LIPI: variants seen among roughly 807,000 people sequenced by gnomAD.
LIPI encodes lipase member I.
LIPI carries 59 observed loss-of-function variants against 50.6 expected under a neutral mutation model. The ratio of observed to expected loss-of-function variants is 1.16; its 90% CI spans 0.94 to 1.45. The LOEUF is 1.45. Ranked by LOEUF, LIPI falls within the 40% of genes most tolerant of loss-of-function variation. The pLI, the probability that LIPI is intolerant of heterozygous loss-of-function variation, is 0.00. For synonymous variants in LIPI, 203 were observed against 178.2 expected (o/e 1.14, Z -1.11); for missense variants, 586 against 536.3 (o/e 1.09, Z -0.92).
chr21:14,203,934 C>T (rs970582651), intron 1 of LIPI, among the ~76,000 whole-genome samples: 3 of 152,018 alleles, frequency 2.0e-5, no homozygotes, highest in African/African-American at 7.2e-5. Flanking sequence ...ATAGCCTTCA[C>T]AGGGACACGA....
chr21:14,126,841 T>G lies in LIPI; in HGVS notation c.1296-17761A>C, dbSNP rs1176768369. 2.6e-5 allele frequency among the ~76,000 whole-genome samples: 4 copies of G among 152,310 alleles called. No homozygotes were observed. In the South Asian group the frequency reaches 6.2e-4, roughly 24 times the overall value. On this transcript the variant is annotated intron_variant, in intron 9 of 9. Transcript: ENST00000681601. ...GAGAAGTCAAACTTGGGCACAGTGGTTGCCAGCAGGTGGACTTGAAACCCA... is the reference window on the plus strand; with the variant it reads ...GAGAAGTCAAACTTGGGCACAGTGGGTGCCAGCAGGTGGACTTGAAACCCA...
At chr21:14,109,123 G>C in intron 9 of LIPI, 43 bp from the exon 10 acceptor site, 1 of 1,481,156 alleles carries the variant, frequency 6.8e-7, no homozygotes, top group African/African-American at 1.4e-5. Flanking sequence ...ATAACTATTA[G>C]TAAAACAACA....
chr21:14,207,402 T>C (rs572683264), intron 1 of LIPI, among the ~76,000 whole-genome samples: 3 of 152,306 alleles, frequency 2.0e-5, no homozygotes, highest in African/African-American at 4.8e-5. Flanking sequence ...AAAATATTAC[T>C]ATGTACTCTA....
At chr21:14,138,436 A>C (rs369723315) in intron 9 of LIPI, among the ~76,000 whole-genome samples, 3 of 152,184 alleles carry the variant, frequency 2.0e-5, no homozygotes, top group East Asian at 3.9e-4. Flanking sequence ...GAAATGATTG[A>C]ACTAAATCCA....
rs2123283373 is a variant in LIPI, at chr21:14,189,500, T to C, written c.47-81A>G. 6.2e-6 allele frequency: 8 copies of C among 1,294,542 alleles called. No homozygotes were observed. The East Asian group carries it at 1.4e-4, about 22-fold the overall frequency. The allele number at this position is 1,294,542 out of a possible 1,614,324, so 80.2% of individuals were successfully genotyped here. On this transcript the variant is annotated intron_variant, in intron 1 of 9. Transcript: ENST00000681601. ...TGCTATTGCAAAGAACAGAATTAAA[T>C]GTGGAGGGTAGGGAGGATTTCATTT... is the stretch of plus-strand genomic sequence containing the variant.
At chr21:14,111,561 A>G (rs192064405) in intron 9 of LIPI, among the ~76,000 whole-genome samples, 11 of 152,008 alleles carry the variant, frequency 7.2e-5, no homozygotes, top group Admixed American at 5.9e-4. Flanking sequence ...TCTGTTAATT[A>G]TTTCCTTTGA....
chr21:14,162,627 T>C (rs964615798), intron 7 of LIPI, among the ~76,000 whole-genome samples: 7 of 151,852 alleles, frequency 4.6e-5, no homozygotes, highest in Admixed American at 6.6e-5. Flanking sequence ...ATTAACTCAA[T>C]AAAATTTTTA....
intron 1 of LIPI, among the ~76,000 whole-genome samples, chr21:14,196,522 A>G (rs2123313174): frequency 1.3e-5 from 2 of 152,202 alleles, no homozygotes; most frequent in African/African-American, 4.8e-5. Context: ...AGTATGGTGC[A>G]CCTATTTTTT....
At chr21:14,144,589 A>G (rs1399981737) in intron 9 of LIPI, 34 bp downstream of exon 9, 11 of 1,183,530 alleles carry the variant, frequency 9.3e-6, no homozygotes, top group Admixed American at 1.8e-5. Flanking sequence ...AGTTTAAAAG[A>G]TAACATGTTG....
At chr21:14,121,799 C>G (rs1388050185) in intron 9 of LIPI, among the ~76,000 whole-genome samples, 4 of 152,148 alleles carry the variant, frequency 2.6e-5, no homozygotes, top group African/African-American at 7.2e-5. Flanking sequence ...CCAGATCATC[C>G]AACTCGACTG....
intron 9 of LIPI, among the ~76,000 whole-genome samples, chr21:14,135,933 G>A (rs1048712653): frequency 6.6e-5 from 10 of 152,154 alleles, no homozygotes; most frequent in African/African-American, 2.4e-4. Flanking sequence ...AGAGGTAAAG[G>A]TGGGGAGGAC....
rs1039807317 is a variant in LIPI at position 14,189,266 on chromosome 21, T to C, written c.200A>G (p.Asn67Ser). 1 of 1,613,930 alleles carries C rather than the reference T, an allele frequency of 6.2e-7. No individual in the cohort carries two copies. The highest frequency in any genetic ancestry group is 1.1e-5 in the South Asian group (1 of 91,080). The change falls in exon 2 of 10, where the codon AAT (asparagine) becomes AGT (serine). Residue 67 changes from asparagine to serine, a missense_variant. Physicochemically the swap from Asn to Ser is conservative, Grantham distance 46. Coordinates refer to ENST00000681601, the MANE Select transcript of LIPI (RefSeq NM_001302998.2). ...TTTCTTTTGTGTGTTGAAATTAACATTAAGTGAGTTATTTTGTTCAAACAG... is the reference window on the plus strand; with the variant it reads ...TTTCTTTTGTGTGTTGAAATTAACACTAAGTGAGTTATTTTGTTCAAACAG... ...EPLFEQNNSL[N>S]VNFNTQKKTV...
rs1036258791 is a variant in LIPI, at chr21:14,179,920, G to C, written c.643+1838C>G. Among the ~76,000 whole-genome samples, 3 of 152,172 alleles carry C rather than the reference G, an allele frequency of 2.0e-5. No homozygotes were observed. In the East Asian group the frequency reaches 5.8e-4, roughly 29 times the overall value. Reference sequence around the variant, plus strand: ...ATAAGGTCTGACTGCCTGTGGGGTCGGGCAAAAAGAGCCATATTTTTCTTC... The same window carrying C: ...ATAAGGTCTGACTGCCTGTGGGGTCCGGCAAAAAGAGCCATATTTTTCTTC... On this transcript the variant is annotated intron_variant, in intron 4 of 9. Transcript: ENST00000681601.
In LIPI at chr21:14,165,337, A is replaced by G. The variant is rs759688558; in HGVS notation, c.787T>C (p.Ser263Pro). ...ATAAAATTGCAGTTTGTTTCTAAAG[A>G]TGCCATGAACAAGTGAACTGCTCTC... ...HQRAVHLFMASLETNCNFISF... is the reference protein window; with the variant it reads ...HQRAVHLFMAPLETNCNFISF... The change falls in exon 6 of 10, where the codon TCT (serine) becomes CCT (proline). Residue 263 changes from serine (S) to proline (P), a missense_variant. Ser to Pro is a moderately conservative substitution (Grantham distance 74). Coordinates refer to ENST00000681601, the MANE Select transcript of LIPI (RefSeq NM_001302998.2). The G allele has an allele frequency of 2.5e-6, 4 of 1,612,658 alleles. No homozygotes were observed. Among genetic ancestry groups the G allele is most frequent in the Non-Finnish European group, 3.4e-6 (4 of 1,178,890 alleles).
intron 9 of LIPI, among the ~76,000 whole-genome samples, chr21:14,114,571 C>T (rs1283686658): frequency 6.6e-6 from 1 of 152,100 alleles, no homozygotes; most frequent in Admixed American, 6.5e-5. Context: ...TCTGGAGGGT[C>T]GGACTCAGAG....
At chr21:14,194,647 A>G (rs2019783211) in intron 1 of LIPI, among the ~76,000 whole-genome samples, 1 of 152,104 alleles carries the variant, frequency 6.6e-6, no homozygotes, top group Non-Finnish European at 1.5e-5. Flanking sequence ...CTGAGGGAAA[A>G]GGGGAAATGA....
At chr21:14,201,814 T>C (rs959347376) in intron 1 of LIPI, among the ~76,000 whole-genome samples, 9 of 152,088 alleles carry the variant, frequency 5.9e-5, no homozygotes, top group Non-Finnish European at 7.3e-5. Context: ...CTATTCAACA[T>C]AGTGTTGGAA....
At chr21:14,142,718 T>A (rs729479) in intron 9 of LIPI, among the ~76,000 whole-genome samples, 128,730 of 151,504 alleles carry the variant, frequency 0.85, 55,201 homozygotes, top group African/African-American at 0.96. Flanking sequence ...TCTTGGCCTC[T>A]AGTGATCCTC....
intron 4 of LIPI, among the ~76,000 whole-genome samples, chr21:14,171,999 T>G (rs993477314): frequency 2.4e-4 from 36 of 151,440 alleles, no homozygotes; most frequent in Non-Finnish European, 5.0e-4. Context: ...GAATCTACAA[T>G]GAACTCAAAC....
Sources: gnomAD v4.1 joint callset for allele counts (sites outside exome capture counted in the v4.1 genomes callset) on GRCh38, gnomAD v4.1.1 for gene constraint, MANE v1.5 for transcripts, NCBI Gene and HGNC (gene_info 2026-07-23, HGNC 2026-07-21) for gene names.